The following SYT14 variants were observed in gnomAD, a reference collection of about 807,000 sequenced individuals.
SYT14 encodes the protein synaptotagmin-14.
SYT14 carries 32 observed loss-of-function variants against 74.2 expected under a neutral mutation model. That is an observed-to-expected ratio of 0.43 (90% CI 0.33 to 0.58). The LOEUF (loss-of-function observed/expected upper bound fraction) is 0.58, where lower values mean the gene tolerates loss of function less well. SYT14 is among the 20% of genes least tolerant of loss of function. The pLI is 0.05. For synonymous variants in SYT14, 298 were observed against 337.7 expected (o/e 0.88, Z 1.29); for missense variants, 791 against 981.8 (o/e 0.81, Z 2.60).
At chr1:209,942,423 A>C (rs539563497) in intron 1 of SYT14, among the ~76,000 whole-genome samples, 3 of 137,386 alleles carry the variant, frequency 2.2e-5, no homozygotes, top group African/African-American at 5.6e-5. Flanking sequence ...AGTAACCAGG[A>C]ATCTGAGTTA....
chr1:209,951,767 A>G (rs1010551603), intron 1 of SYT14, among the ~76,000 whole-genome samples: 1 of 152,196 alleles, frequency 6.6e-6, no homozygotes, highest in Admixed American at 6.5e-5. Flanking sequence ...ATGTGTATAT[A>G]TGTATATTTA....
intron 2 of SYT14, among the ~76,000 whole-genome samples, chr1:209,972,886 A>T (rs931223802): frequency 6.6e-6 from 1 of 152,132 alleles, no homozygotes; most frequent in Non-Finnish European, 1.5e-5. Context: ...ATCAAACTTA[A>T]GTCCAGAAAT....
At chr1:210,131,841 A>G (rs1381060191) in intron 7 of SYT14, among the ~76,000 whole-genome samples, 1 of 151,804 alleles carries the variant, frequency 6.6e-6, no homozygotes, top group Non-Finnish European at 1.5e-5. Flanking sequence ...TCAGGTTCTA[A>G]CTCCCTGTGT....
intron 2 of SYT14, among the ~76,000 whole-genome samples, chr1:209,966,230 G>A (rs1375804482): frequency 6.6e-6 from 1 of 152,120 alleles, no homozygotes; most frequent in East Asian, 1.9e-4. Context: ...CAATACCAAA[G>A]TGTCTTTATT....
chr1:210,078,572 T>A (rs904411269), intron 5 of SYT14, among the ~76,000 whole-genome samples: 1 of 152,162 alleles, frequency 6.6e-6, no homozygotes, highest in African/African-American at 2.4e-5. Context: ...CATATACTTT[T>A]AAAATGTATT....
intron 7 of SYT14, among the ~76,000 whole-genome samples, chr1:210,111,622 T>C (rs1353804296): frequency 6.6e-6 from 1 of 150,920 alleles, no homozygotes; most frequent in Non-Finnish European, 1.5e-5. Context: ...TGAAGGAAGA[T>C]TTTGTGGTAA....
At chr1:210,000,287 A>G (rs895382193) in intron 2 of SYT14, among the ~76,000 whole-genome samples, 3 of 152,026 alleles carry the variant, frequency 2.0e-5, no homozygotes. Context: ...CTTTCATCAC[A>G]TGTTTCGGTT....
At chr1:210,142,895 T>C (rs996013677) in intron 7 of SYT14, among the ~76,000 whole-genome samples, 1 of 152,238 alleles carries the variant, frequency 6.6e-6, no homozygotes, top group East Asian at 1.9e-4. Flanking sequence ...AAAACACTTA[T>C]GTGTTAGCTC....
intron 7 of SYT14, among the ~76,000 whole-genome samples, chr1:210,147,900 C>G (rs1008441296): frequency 6.6e-6 from 1 of 152,076 alleles, no homozygotes; most frequent in Middle Eastern, 3.2e-3. Context: ...GGAAAGAACA[C>G]TGCAAGCGGA....
At chr1:209,941,095 G>A (rs1489727462) in intron 1 of SYT14, among the ~76,000 whole-genome samples, 1 of 152,160 alleles carries the variant, frequency 6.6e-6, no homozygotes, top group Non-Finnish European at 1.5e-5. Flanking sequence ...CTATGGCCCA[G>A]TGTTTTAGCC....
chr1:210,043,348 C>T lies in SYT14; in HGVS notation c.1312+22094C>T, dbSNP rs79277724. Among the ~76,000 whole-genome samples the T allele has an allele frequency of 3.2e-4, 48 of 151,932 alleles. No individual in the cohort carries two copies. The East Asian group carries it at 9.1e-3, about 29-fold the overall frequency. Reference sequence around the variant, plus strand: ...ATTTCTAAGAGAAAATCTTAGTCTTCTAATGAAAACCTACCAGATAGATAT... The same window carrying T: ...ATTTCTAAGAGAAAATCTTAGTCTTTTAATGAAAACCTACCAGATAGATAT... On this transcript the variant is annotated intron_variant, in intron 5 of 9. Transcript: ENST00000637265.
chr1:210,038,730 G>A (rs1300516984), intron 5 of SYT14, among the ~76,000 whole-genome samples: 3 of 152,098 alleles, frequency 2.0e-5, no homozygotes, highest in East Asian at 3.9e-4. Context: ...TTTTAAGTCC[G>A]AAAATGGGAC....
chr1:210,127,896 G>A (rs1303006427), intron 7 of SYT14, among the ~76,000 whole-genome samples: 4 of 152,012 alleles, frequency 2.6e-5, no homozygotes, highest in South Asian at 2.1e-4. Context: ...GCATGGGGGC[G>A]GGCGCCTGTA....
intron 5 of SYT14, among the ~76,000 whole-genome samples, chr1:210,066,629 G>A (rs566790162): frequency 3.3e-5 from 5 of 151,894 alleles, no homozygotes; most frequent in East Asian, 1.9e-4. Flanking sequence ...ATGTTAGCCC[G>A]TTGTCAGATG....
chr1:209,997,229 C>T (rs2079814160), intron 2 of SYT14, among the ~76,000 whole-genome samples: 1 of 152,034 alleles, frequency 6.6e-6, no homozygotes, highest in Non-Finnish European at 1.5e-5. Context: ...ATCCTAAAGA[C>T]TCCACCAAAA....
chr1:210,035,659 C>T (rs1018245838), intron 5 of SYT14, among the ~76,000 whole-genome samples: 2 of 151,886 alleles, frequency 1.3e-5, no homozygotes, highest in African/African-American at 4.8e-5. Context: ...TCCAATTTTC[C>T]TAACACCATT....
intron 2 of SYT14, among the ~76,000 whole-genome samples, chr1:209,978,157 C>T (rs926845160): frequency 7.9e-5 from 12 of 152,128 alleles, no homozygotes; most frequent in Non-Finnish European, 1.2e-4. Context: ...CAAACTTTCT[C>T]CTTTAGCTCG....
intron 5 of SYT14, among the ~76,000 whole-genome samples, chr1:210,085,476 T>G (rs2081707512): frequency 6.6e-6 from 1 of 152,200 alleles, no homozygotes; most frequent in African/African-American, 2.4e-5. Flanking sequence ...TTTCAACATT[T>G]CACCATTAAA....
intron 7 of SYT14, among the ~76,000 whole-genome samples, chr1:210,128,900 A>G (rs1178378686): frequency 1.3e-5 from 2 of 152,212 alleles, no homozygotes; most frequent in Non-Finnish European, 2.9e-5. Flanking sequence ...ATTTTGGAAT[A>G]AGTTCTGAGG....
Sources: allele counts gnomAD v4.1 joint callset (sites outside exome capture counted in the v4.1 genomes callset), GRCh38; gene constraint gnomAD v4.1.1; transcripts MANE v1.5; gene names NCBI Gene and HGNC (gene_info 2026-07-23, HGNC 2026-07-21).